Variants in SSU72L6 observed in about 807,000 individuals in gnomAD.
The protein encoded by SSU72L6 is SSU72 like 6.
the SSU72L6 span, chr7:124,476,593 T>C: frequency 2.6e-6 from 2 of 780,696 alleles, no homozygotes; most frequent in Non-Finnish European, 2.4e-6. Flanking sequence ...AGATAGAGAA[T>C]GCTACACCCA....
the SSU72L6 span, chr7:124,476,509 C>T: frequency 1.5e-5 from 12 of 780,634 alleles, no homozygotes; most frequent in Admixed American, 1.4e-4. Context: ...GCTACCAGGA[C>T]GAAGACCCAA....
chr7:124,477,076 T>A, the SSU72L6 span: 1 of 601,624 alleles, frequency 1.7e-6, no homozygotes, highest in Non-Finnish European at 3.0e-6. Context: ...ATTACTTTTG[T>A]ACATATCACC....
the SSU72L6 span, chr7:124,477,081 A>T: frequency 1.7e-6 from 1 of 598,370 alleles, no homozygotes; most frequent in Non-Finnish European, 3.0e-6. Flanking sequence ...TTTTGTACAT[A>T]TCACCTGGAA....
chr7:124,477,662 A>G, the SSU72L6 span, among the ~76,000 whole-genome samples: 21 of 150,622 alleles, frequency 1.4e-4, no homozygotes, highest in African/African-American at 5.1e-4. Context: ...AAAAAAAAAG[A>G]AAGAAATCCT....
At chr7:124,477,101 T>C in the SSU72L6 span, 4 of 593,408 alleles carry the variant, frequency 6.7e-6, no homozygotes, top group South Asian at 8.4e-5. Context: ...AAGAGACTAT[T>C]ACCAAGAAAA....
chr7:124,476,878 G>C, the SSU72L6 span: 1 of 765,400 alleles, frequency 1.3e-6, no homozygotes, highest in Non-Finnish European at 2.4e-6. Context: ...CGACATGGAA[G>C]ACAGTCTGGA....
At chr7:124,476,647 C>T in the SSU72L6 span, 1 of 780,694 alleles carries the variant, frequency 1.3e-6, no homozygotes, top group Non-Finnish European at 2.4e-6. Flanking sequence ...GAGAATCAAG[C>T]CTGGCCCAGA....
chr7:124,476,710 C>T, the SSU72L6 span: 80 of 780,634 alleles, frequency 1.0e-4, no homozygotes, highest in African/African-American at 5.1e-4. Context: ...CTGTGAGGAG[C>T]GTGTCTATGA....
chr7:124,477,179 A>G, the SSU72L6 span, among the ~76,000 whole-genome samples: 1 of 152,226 alleles, frequency 6.6e-6, no homozygotes, highest in Non-Finnish European at 1.5e-5. Context: ...ATTGTTCTAC[A>G]TGCATTACAT....
chr7:124,476,425 A>G, the SSU72L6 span: 1 of 779,610 alleles, frequency 1.3e-6, no homozygotes, highest in Admixed American at 1.7e-5. Context: ...CATCAACAGG[A>G]GCATGGAGGC....
the SSU72L6 span, among the ~76,000 whole-genome samples, chr7:124,477,646 TA>T: frequency 0.36 from 47,579 of 132,888 alleles, 8,317 homozygotes; most frequent in East Asian, 0.67. Flanking sequence ...AAAATTTAAA[TA>T]AAAAAAAAAA....
chr7:124,476,527 G>A, the SSU72L6 span: 4 of 780,548 alleles, frequency 5.1e-6, no homozygotes, highest in East Asian at 2.4e-5. Context: ...CAATCATCCT[G>A]TAGTTTACGA....
the SSU72L6 span, chr7:124,476,865 C>T: frequency 7.6e-5 from 58 of 766,256 alleles, 1 homozygote; most frequent in Middle Eastern, 6.7e-4. Flanking sequence ...TGCAGCAGTC[C>T]GACGACATGG....
the SSU72L6 span, chr7:124,476,493 T>A: frequency 1.3e-6 from 1 of 780,690 alleles, no homozygotes; most frequent in East Asian, 2.4e-5. Context: ...CTGAATCTCA[T>A]GTGAGGCTAC....
the SSU72L6 span, chr7:124,476,787 G>C: frequency 1.3e-6 from 1 of 779,284 alleles, no homozygotes. Context: ...TGATCAACAT[G>C]GACATCAAAG....
At chr7:124,476,469 C>T in the SSU72L6 span, 6 of 780,410 alleles carry the variant, frequency 7.7e-6, no homozygotes, top group Non-Finnish European at 1.2e-5. Context: ...GGCTAAGTGT[C>T]CGGTCTTTCG....
chr7:124,476,894 T>C, the SSU72L6 span: 1 of 764,780 alleles, frequency 1.3e-6, no homozygotes, highest in Non-Finnish European at 2.4e-6. Context: ...CTGGAGGAGC[T>C]GCTGTTGCAA....
At chr7:124,476,641 A>G in the SSU72L6 span, 1 of 780,730 alleles carries the variant, frequency 1.3e-6, no homozygotes, top group Non-Finnish European at 2.4e-6. Flanking sequence ...AAATGAGAGA[A>G]TCAAGCCTGG....
At chr7:124,477,083 CA>C in the SSU72L6 span, 2 of 598,528 alleles carry the variant, frequency 3.3e-6, no homozygotes, top group Non-Finnish European at 5.9e-6. Flanking sequence ...TTGTACATAT[CA>C]CCTGGAAAGA....
Sources: gnomAD v4.1 joint callset for allele counts (sites outside exome capture counted in the v4.1 genomes callset) on GRCh38, gnomAD v4.1.1 for gene constraint, MANE v1.5 for transcripts, NCBI Gene and HGNC (gene_info 2026-07-23, HGNC 2026-07-21) for gene names.